Variants in FOXJ2 observed in about 807,000 individuals in gnomAD.
The protein encoded by FOXJ2 is forkhead box J2, also known as forkhead box protein J2.
Under a neutral mutation model 68.4 loss-of-function variants are expected in FOXJ2, and 18 were observed. The ratio of observed to expected loss-of-function variants is 0.26; its 90% confidence interval spans 0.18 to 0.39. The LOEUF is 0.39. FOXJ2 is among the 10% of genes least tolerant of loss of function. The probability of loss-of-function intolerance (pLI) is 1.00; values close to 1 mark genes in which losing one functional copy is unlikely to be tolerated. For synonymous variants in FOXJ2, 274 were observed against 263.2 expected, an observed-to-expected ratio of 1.04 and a Z score of -0.40; for missense variants, 670 against 726.5, an observed-to-expected ratio of 0.92 and a Z score of 0.89.
Position 8,033,179 on chromosome 12 carries a change from C to T in FOXJ2, c.-669C>T, listed in dbSNP as rs1419733520. 2 of 287,278 alleles carry T rather than the reference C, an allele frequency of 7.0e-6. No homozygotes were observed. The highest frequency in any genetic ancestry group is 1.3e-5 in the Non-Finnish European group (2 of 155,674). 17.8% of individuals were successfully genotyped at this position (287,278 alleles called of 1,614,324 possible). ...CAGAAGTGGAAAGAAGGGAGCTTTC[C>T]GTAGGGAAGCAGAGTGAGACCACCC... On this transcript the variant is annotated 5_prime_UTR_variant, in exon 1 of 11. Transcript: ENST00000162391.
intron 7 of FOXJ2, among the ~76,000 whole-genome samples, 186 bp from the exon 8 acceptor site, chr12:8,048,511 G>T (rs1187732788): frequency 1.3e-5 from 2 of 152,260 alleles, no homozygotes; most frequent in Non-Finnish European, 2.9e-5. Context: ...TATGAGCCTG[G>T]CTGTACTTAA....
At chr12:8,047,516 A>C (rs1168849907) in intron 6 of FOXJ2, among the ~76,000 whole-genome samples, 1 of 151,476 alleles carries the variant, frequency 6.6e-6, no homozygotes, top group Non-Finnish European at 1.5e-5. Flanking sequence ...TTTCTGATTT[A>C]CTTTTTTTTT....
At chr12:8,047,625 G>A (rs1947055852) in intron 6 of FOXJ2, among the ~76,000 whole-genome samples, 1 of 151,928 alleles carries the variant, frequency 6.6e-6, no homozygotes, top group Non-Finnish European at 1.5e-5. Context: ...CTAAAAAGTA[G>A]CATTAAATGC....
intron 10 of FOXJ2, among the ~76,000 whole-genome samples, chr12:8,050,915 TCCTTCCCCTTC>T (rs200388684): frequency 1.8e-5 from 1 of 56,346 alleles, no homozygotes; most frequent in Non-Finnish European, 3.4e-5. Flanking sequence ...CCCTTCCCTT[TCCTTCCCCTTC>T]CCTTCCCCTT....
chr12:8,039,284 C>T (rs1334911776), intron 1 of FOXJ2, among the ~76,000 whole-genome samples: 1 of 151,604 alleles, frequency 6.6e-6, no homozygotes, highest in Non-Finnish European at 1.5e-5. Flanking sequence ...GGCAAGTGCT[C>T]GTAATGCATC....
At chr12:8,043,334 T>A (rs1946991851) in intron 3 of FOXJ2, among the ~76,000 whole-genome samples, 1 of 152,110 alleles carries the variant, frequency 6.6e-6, no homozygotes, top group South Asian at 2.1e-4. Context: ...TTTTCCTAGA[T>A]GTAAAAGGTA....
Position 8,044,040 on chromosome 12 carries a change from G to A in FOXJ2, c.567G>A (p.Gly189=). 3 of 1,584,106 alleles carry A rather than the reference G, an allele frequency of 1.9e-6. No individual in the cohort carries two copies. The highest frequency in any genetic ancestry group is 2.6e-6 in the Non-Finnish European group (3 of 1,167,418). The change falls in exon 5 of 11, where the codon GGG becomes GGA. Residue 189 remains glycine, a synonymous_variant. Transcript: ENST00000162391. ...GAGAAGCCTCACTGCCTCCTGAGGG[G>A]AATCCGCAGATGTCACTTCAGAGCC... is the stretch of plus-strand genomic sequence containing the variant. The part of the protein sequence containing the change: ...GSGEASLPPE[G]NPQMSLQSPT...
rs777400955 is a variant in FOXJ2 at position 8,042,464 on chromosome 12, C to T, written c.334-194C>T. Among the ~76,000 whole-genome samples the T allele has an allele frequency of 2.0e-5, 3 of 152,296 alleles. No individual in the cohort carries two copies. The South Asian group carries it at 6.2e-4, about 32-fold the overall frequency. On this transcript the variant is annotated intron_variant, in intron 2 of 10. Transcript: ENST00000162391. ...TTCCCTCCCATCAGTTTAATCTCTG[C>T]ATTTTTCTTATCTCATTGCTATTGC...
chr12:8,053,343 GT>G lies in FOXJ2; in HGVS notation c.*494del, dbSNP rs1211614527. On this transcript the variant is annotated 3_prime_UTR_variant, in exon 11 of 11. Coordinates refer to ENST00000162391, the MANE Select transcript of FOXJ2 (RefSeq NM_018416.3). The surrounding 1 kb of genome is among the most constrained non-coding windows in gnomAD (Gnocchi z 4.1). Reference sequence around the variant, plus strand: ...GAGGCCACATTACCAAGTAGAAAGGGTCTGAAACATTACTTGGCAGCCAAGA... The same window carrying G: ...GAGGCCACATTACCAAGTAGAAAGGGCTGAAACATTACTTGGCAGCCAAGA... 6.6e-6 allele frequency: 1 copy of G among 152,632 alleles called. No homozygotes were observed. The highest frequency in any genetic ancestry group is 1.5e-5 in the Non-Finnish European group (1 of 68,056). The allele number at this position is 152,632 out of a possible 1,614,324, so 9.5% of individuals were successfully genotyped here. A position where few individuals can be genotyped will look rare whatever the true frequency, so the allele number is the denominator to read the frequency against.
Position 8,052,858 on chromosome 12 carries a change from C to T in FOXJ2, c.*8C>T. 1 of 1,599,512 alleles carries T rather than the reference C, an allele frequency of 6.3e-7. No individual in the cohort carries two copies. Among genetic ancestry groups the T allele is most frequent in the Non-Finnish European group, 8.5e-7 (1 of 1,170,968 alleles). ...TGGGACTTGATCACTTAGTGCATCA[C>T]AGAGTGTGGACATCAGCCCAGGGCC... On this transcript the variant is annotated 3_prime_UTR_variant, in exon 11 of 11. Coordinates refer to ENST00000162391, the MANE Select transcript of FOXJ2 (RefSeq NM_018416.3).
intron 5 of FOXJ2, among the ~76,000 whole-genome samples, chr12:8,044,293 A>T (rs1024444556): frequency 3.3e-5 from 5 of 152,222 alleles, no homozygotes; most frequent in Admixed American, 2.0e-4. Flanking sequence ...AGGAAAAAAA[A>T]GCTGGGCACA....
intron 8 of FOXJ2, 72 bp downstream of exon 8, chr12:8,048,870 A>G (rs1473043926): frequency 1.6e-6 from 2 of 1,258,270 alleles, no homozygotes; most frequent in East Asian, 4.7e-5. Context: ...TGGAACCGGA[A>G]GGGGGTGGTT....
chr12:8,042,561 G>A (rs1237821926), intron 2 of FOXJ2, 97 bp from the exon 3 acceptor site: 2 of 967,180 alleles, frequency 2.1e-6, no homozygotes, highest in Middle Eastern at 2.1e-4. Flanking sequence ...TCAACTGCAT[G>A]GTGTATTATG....
At chr12:8,045,038 T>C in intron 6 of FOXJ2, 80 bp downstream of exon 6, 1 of 1,398,184 alleles carries the variant, frequency 7.2e-7, no homozygotes, top group South Asian at 1.3e-5. Context: ...TTTTTTCCCT[T>C]AGTTTTTTAT....
chr12:8,052,743 C>G lies in FOXJ2; in HGVS notation c.1637-19C>G, dbSNP rs1250189901. The G allele has an allele frequency of 2.5e-6, 4 of 1,583,514 alleles. No individual in the cohort carries two copies. Among genetic ancestry groups the G allele is most frequent in the Admixed American group, 1.7e-5 (1 of 58,910 alleles). The stretch of plus-strand genomic sequence containing the variant: ...TTCCCATCCACTCTCCTTTTACTCT[C>G]TTTCTTTCTTTCTAACAGCACACCA... On this transcript the variant is annotated intron_variant, in intron 10 of 10. Transcript: ENST00000162391.
intron 6 of FOXJ2, among the ~76,000 whole-genome samples, chr12:8,045,538 G>C (rs1315103161): frequency 6.6e-6 from 1 of 152,130 alleles, no homozygotes; most frequent in Non-Finnish European, 1.5e-5. Context: ...TTTTAGTAGA[G>C]ACAGGGTTTC....
In FOXJ2 at chr12:8,047,872, C is replaced by A; in HGVS notation, c.818-10C>A. The A allele has an allele frequency of 6.4e-7, 1 of 1,561,252 alleles. No homozygotes were observed. The highest frequency in any genetic ancestry group is 1.2e-5 in the South Asian group (1 of 85,166). Reference sequence around the variant, plus strand: ...CTTAAGTCACTTGCCTGCTTCCTCCCCACCTGCAGGCTTTTCTTCTCTCCT... The same window carrying A: ...CTTAAGTCACTTGCCTGCTTCCTCCACACCTGCAGGCTTTTCTTCTCTCCT... On this transcript the variant is annotated splice_polypyrimidine_tract_variant and intron_variant, in intron 6 of 10. Transcript: ENST00000162391.
chr12:8,048,642 C>T, intron 7 of FOXJ2, 55 bp from the exon 8 acceptor site: 1 of 1,494,382 alleles, frequency 6.7e-7, no homozygotes, highest in South Asian at 1.1e-5. Context: ...TATCAGTTGA[C>T]TGCTGTCTTA....
chr12:8,045,654 ATTTC>A (rs1565629593), intron 6 of FOXJ2, among the ~76,000 whole-genome samples: 1 of 132,800 alleles, frequency 7.5e-6, no homozygotes, highest in African/African-American at 2.8e-5. Flanking sequence ...GCCCGGCCAT[ATTTC>A]TTTCTTTATT....
Sources: gnomAD v4.1 joint callset for allele counts (sites outside exome capture counted in the v4.1 genomes callset) on GRCh38, gnomAD v4.1.1 for gene constraint, Gnocchi (gnomAD v3.1) non-coding constraint, MANE v1.5 for transcripts, NCBI Gene and HGNC (gene_info 2026-07-23, HGNC 2026-07-21) for gene names.